Variants in CEP78 observed in about 807,000 individuals in gnomAD.
CEP78 encodes the protein centrosomal protein 78, also known as centrosomal protein of 78 kDa.
CEP78 carries 76 observed loss-of-function variants against 81.2 expected under a neutral mutation model. The ratio of observed to expected loss-of-function variants is 0.94; its 90% confidence interval spans 0.78 to 1.13. The LOEUF (loss-of-function observed/expected upper bound fraction) is 1.13. CEP78 is among the 50% of genes most tolerant of loss of function. The pLI, the probability that CEP78 is intolerant of heterozygous loss-of-function variation, is 0.00. For missense variants in CEP78, 918 were observed against 846.8 expected (o/e 1.08, Z -1.04); for synonymous variants, 293 against 301.4 (o/e 0.97, Z 0.29).
Position 78,275,268 on chromosome 9 carries a change from C to T in CEP78, c.*4417C>T, listed in dbSNP as rs1211087755. 1.3e-5 allele frequency: 2 copies of T among 151,900 alleles called. No homozygotes were observed. Among genetic ancestry groups the T allele is most frequent in the South Asian group, 2.1e-4 (1 of 4,826 alleles). 9.4% of individuals were successfully genotyped at this position (151,900 alleles called of 1,614,324 possible). Reference sequence around the variant, plus strand: ...ATAAAAAATAGAAAATGTAAATAAACGAAACATCTTAGGAGAAATTGAAAA... The same window carrying T: ...ATAAAAAATAGAAAATGTAAATAAATGAAACATCTTAGGAGAAATTGAAAA... On this transcript the variant is annotated 3_prime_UTR_variant, in exon 17 of 17. Coordinates refer to ENST00000643273, the MANE Select transcript of CEP78 (RefSeq NM_001330691.3).
At chr9:78,256,524 A>ATTTT (rs35059009) in intron 11 of CEP78, among the ~76,000 whole-genome samples, 8 of 76,670 alleles carry the variant, frequency 1.0e-4, no homozygotes, top group Non-Finnish European at 1.7e-4. Flanking sequence ...CTGCTCCCTT[A>ATTTT]TTTTTTTTTT....
At chr9:78,242,012 A>G (rs1826256415) in intron 4 of CEP78, among the ~76,000 whole-genome samples, 1 of 152,240 alleles carries the variant, frequency 6.6e-6, no homozygotes, top group African/African-American at 2.4e-5. Context: ...CTAAAATATA[A>G]TAATTAGATT....
At position 78,265,396 on chromosome 9, in the gene CEP78, T is replaced by G. The variant is rs373484743; in HGVS notation, c.1650T>G (p.Ala550=). Residue 550 remains alanine (A), a synonymous_variant, in exon 14 of 17, where the codon GCT becomes GCG. Coordinates refer to ENST00000643273, the MANE Select transcript of CEP78 (RefSeq NM_001330691.3). ...GGCTTGGGCAGCTTGCCACAATGGC[T>G]GGGATAGATCAGTCAGATTTTCAAT... ...DAGLGQLATM[A]GIDQSDFQLL... is the part of the protein sequence containing the mutation. The G allele has an allele frequency of 2.7e-5, 43 of 1,605,656 alleles. No individual in the cohort carries two copies. Among genetic ancestry groups the G allele is most frequent in the Non-Finnish European group, 3.6e-5 (42 of 1,176,808 alleles).
In CEP78 at chr9:78,265,861, T is replaced by C; in HGVS notation, c.1800T>C (p.Val600=). Residue 600 remains valine (V), a splice_region_variant and synonymous_variant, in exon 15 of 17, where the codon GTT becomes GTC. Transcript: ENST00000643273. ...TATTCTATTCATATTCCATCTAGGT[T>C]TCTATTTGTATGCAGTCAGCTTACA... is the stretch of plus-strand genomic sequence containing the variant. The part of the protein sequence containing the change: ...NALGQMQNIQ[V]SICMQSAYNE... 1 of 1,365,816 alleles carries C rather than the reference T, an allele frequency of 7.3e-7. No individual in the cohort carries two copies. The highest frequency in any genetic ancestry group is 2.5e-5 in the East Asian group (1 of 40,106). The allele number at this position is 1,365,816 out of a possible 1,614,324, so 84.6% of individuals were successfully genotyped here.
intron 16 of CEP78, among the ~76,000 whole-genome samples, chr9:78,270,561 G>C (rs1286940791): frequency 6.6e-6 from 1 of 152,146 alleles, no homozygotes; most frequent in Non-Finnish European, 1.5e-5. Flanking sequence ...ATTCAGATGT[G>C]ATACTGTAGC....
chr9:78,255,674 A>G (rs1042996268), intron 11 of CEP78, among the ~76,000 whole-genome samples: 1 of 152,184 alleles, frequency 6.6e-6, no homozygotes, highest in Admixed American at 6.5e-5. Context: ...TGATATTTAT[A>G]TAGAGAAATT....
At chr9:78,266,418 T>A in intron 15 of CEP78, 24 bp from the exon 16 acceptor site, 1 of 1,551,848 alleles carries the variant, frequency 6.4e-7, no homozygotes, top group Non-Finnish European at 8.8e-7. Context: ...TGTCACTAAA[T>A]TTTTGTTTTG....
intron 1 of CEP78, among the ~76,000 whole-genome samples, chr9:78,237,791 C>G (rs897571623): frequency 6.6e-6 from 1 of 151,878 alleles, no homozygotes; most frequent in Non-Finnish European, 1.5e-5. Context: ...AATCTAATGG[C>G]CCAAACTAAG....
chr9:78,256,659 A>G (rs555736496), intron 11 of CEP78, among the ~76,000 whole-genome samples: 1 of 151,278 alleles, frequency 6.6e-6, no homozygotes, highest in Non-Finnish European at 1.5e-5. Context: ...CAGCCTCCCA[A>G]GTAGCCTTAT....
At chr9:78,243,427 A>C in intron 4 of CEP78, 35 bp from the exon 5 acceptor site, 1 of 1,575,306 alleles carries the variant, frequency 6.3e-7, no homozygotes, top group Non-Finnish European at 8.7e-7. Flanking sequence ...CTCTTTATCC[A>C]AGTGTATTAA....
chr9:78,252,390 C>T (rs1340211243), intron 9 of CEP78, among the ~76,000 whole-genome samples: 1 of 152,140 alleles, frequency 6.6e-6, no homozygotes, highest in Non-Finnish European at 1.5e-5. Flanking sequence ...GGGGAAAGGG[C>T]ATTGTAAAGC....
At chr9:78,267,059 A>C (rs1395581856) in intron 16 of CEP78, 1 of 1,144,092 alleles carries the variant, frequency 8.7e-7, no homozygotes. Flanking sequence ...AAATTTTCTT[A>C]TGTTTTTATT....
chr9:78,250,711 C>T (rs1193307939), intron 8 of CEP78, among the ~76,000 whole-genome samples: 1 of 152,078 alleles, frequency 6.6e-6, no homozygotes, highest in Non-Finnish European at 1.5e-5. Flanking sequence ...TGCACTCCAG[C>T]CTGGGCGACA....
intron 11 of CEP78, among the ~76,000 whole-genome samples, chr9:78,255,342 C>T (rs938735699): frequency 3.9e-5 from 6 of 152,244 alleles, no homozygotes; most frequent in African/African-American, 1.2e-4. Context: ...AGGAAGTCCA[C>T]AATTAATTTT....
At chr9:78,242,464 G>A (rs1209627349) in intron 4 of CEP78, among the ~76,000 whole-genome samples, 1 of 152,096 alleles carries the variant, frequency 6.6e-6, no homozygotes, top group Non-Finnish European at 1.5e-5. Context: ...TGTGACCATG[G>A]GCAAATTAGT....
At chr9:78,255,457 C>G (rs904580872) in intron 11 of CEP78, among the ~76,000 whole-genome samples, 6 of 152,082 alleles carry the variant, frequency 3.9e-5, no homozygotes, top group Non-Finnish European at 1.5e-5. Flanking sequence ...GAATGTATGT[C>G]TCACAGTTCT....
intron 16 of CEP78, among the ~76,000 whole-genome samples, chr9:78,270,346 AT>A (rs1422192220): frequency 2.0e-5 from 3 of 152,234 alleles, no homozygotes; most frequent in Non-Finnish European, 2.9e-5. Context: ...TTGCTGCTTA[AT>A]ATATACAATT....
chr9:78,265,979 A>G, intron 15 of CEP78, 73 bp downstream of exon 15: 1 of 758,980 alleles, frequency 1.3e-6, no homozygotes, highest in East Asian at 2.7e-5. Flanking sequence ...TATAGGCATC[A>G]TCTAGTTATG....
intron 11 of CEP78, among the ~76,000 whole-genome samples, chr9:78,260,579 C>T (rs1827229124): frequency 6.6e-6 from 1 of 151,936 alleles, no homozygotes; most frequent in East Asian, 2.0e-4. Flanking sequence ...TGGTGGCGGA[C>T]ACCTGTAGTC....
Sources: allele counts gnomAD v4.1 joint callset (sites outside exome capture counted in the v4.1 genomes callset), GRCh38; gene constraint gnomAD v4.1.1; transcripts MANE v1.5; gene names NCBI Gene and HGNC (gene_info 2026-07-23, HGNC 2026-07-21).